FBXL17: variants seen among roughly 807,000 people sequenced by gnomAD.
FBXL17 encodes F-box and leucine rich repeat protein 17, also known as F-box/LRR-repeat protein 17.
A neutral mutation model predicts 66.2 loss-of-function variants in FBXL17; 22 were observed. That is an observed-to-expected ratio of 0.33 (90% CI 0.24 to 0.47). The LOEUF is 0.47. Ranked by LOEUF, FBXL17 falls within the 20% of genes least tolerant of loss-of-function variation. FBXL17 has a pLI of 1.00. For synonymous variants in FBXL17, 474 were observed against 400.5 expected (o/e 1.18, Z -2.19); for missense variants, 878 against 948.2 (o/e 0.93, Z 0.97).
At chr5:108,102,903 A>T (rs1749655559) in intron 6 of FBXL17, among the ~76,000 whole-genome samples, 1 of 152,212 alleles carries the variant, frequency 6.6e-6, no homozygotes, top group Non-Finnish European at 1.5e-5. Context: ...TTTTTCTGCC[A>T]ATAACATTTA....
intron 6 of FBXL17, among the ~76,000 whole-genome samples, chr5:108,086,591 C>G (rs1231644353): frequency 6.6e-6 from 1 of 152,162 alleles, no homozygotes; most frequent in Admixed American, 6.5e-5. Flanking sequence ...TAGAGTTTCA[C>G]TCTGTTGCCC....
intron 6 of FBXL17, among the ~76,000 whole-genome samples, chr5:108,057,465 AG>A (rs1747752772): frequency 6.6e-6 from 1 of 152,160 alleles, no homozygotes; most frequent in Non-Finnish European, 1.5e-5. Context: ...TTCCCATTTA[AG>A]GGTCCCAAAG....
chr5:108,184,553 C>T (rs547041692), intron 6 of FBXL17, among the ~76,000 whole-genome samples: 8 of 151,660 alleles, frequency 5.3e-5, no homozygotes, highest in African/African-American at 1.2e-4. Flanking sequence ...GTGATCCGCC[C>T]GCCTTGGCCT....
intron 6 of FBXL17, among the ~76,000 whole-genome samples, chr5:108,051,456 T>G (rs1246751724): frequency 6.6e-6 from 1 of 152,132 alleles, no homozygotes; most frequent in Non-Finnish European, 1.5e-5. Context: ...ATAAATGTAA[T>G]CCATCATCAC....
chr5:108,279,900 T>C (rs1313446929), intron 4 of FBXL17, among the ~76,000 whole-genome samples: 1 of 151,896 alleles, frequency 6.6e-6, no homozygotes, highest in Non-Finnish European at 1.5e-5. Flanking sequence ...ACAACTCTTT[T>C]GAAATAATCC....
intron 8 of FBXL17, among the ~76,000 whole-genome samples, chr5:107,867,609 A>T (rs1285520144): frequency 6.6e-6 from 1 of 152,236 alleles, no homozygotes; most frequent in Non-Finnish European, 1.5e-5. Flanking sequence ...CTCCCTTTTA[A>T]TGTCATAGTT....
At chr5:108,071,709 G>A (rs1001080637) in intron 6 of FBXL17, among the ~76,000 whole-genome samples, 9 of 151,498 alleles carry the variant, frequency 5.9e-5, no homozygotes, top group Non-Finnish European at 7.4e-5. Context: ...CTACTTTATC[G>A]TGAAGTGAAT....
At chr5:108,379,705 C>T (rs1749705555) in intron 1 of FBXL17, among the ~76,000 whole-genome samples, 1 of 151,942 alleles carries the variant, frequency 6.6e-6, no homozygotes. Flanking sequence ...TATTAAGCTC[C>T]AAATAGGGTA....
chr5:108,012,212 T>C (rs988357859), intron 7 of FBXL17, among the ~76,000 whole-genome samples: 43 of 152,104 alleles, frequency 2.8e-4, no homozygotes, highest in Admixed American at 1.3e-4. Context: ...TTATAATAAT[T>C]TTAAAAGAGG....
intron 2 of FBXL17, among the ~76,000 whole-genome samples, chr5:108,367,022 G>A (rs926569111): frequency 2.0e-5 from 3 of 152,012 alleles, no homozygotes; most frequent in East Asian, 1.9e-4. Flanking sequence ...TTATGTAATA[G>A]AAATTGGCAA....
chr5:108,362,990 G>GA (rs1748437207), intron 3 of FBXL17, among the ~76,000 whole-genome samples: 1 of 151,898 alleles, frequency 6.6e-6, no homozygotes, highest in African/African-American at 2.4e-5. Flanking sequence ...ATGAGTTCAA[G>GA]AAAAAATAAC....
chr5:108,106,478 C>CA (rs1420803831), intron 6 of FBXL17, among the ~76,000 whole-genome samples: 2 of 151,872 alleles, frequency 1.3e-5, no homozygotes, highest in Non-Finnish European at 2.9e-5. Flanking sequence ...TTCACAATAG[C>CA]AAAAAAGTAG....
chr5:108,327,713 C>G (rs928161987), intron 4 of FBXL17, among the ~76,000 whole-genome samples: 21 of 152,230 alleles, frequency 1.4e-4, no homozygotes, highest in Admixed American at 2.6e-4. Flanking sequence ...CATAAAGCAA[C>G]CATTGGTTAC....
chr5:108,079,214 A>C (rs1224574548), intron 6 of FBXL17, among the ~76,000 whole-genome samples: 2 of 150,754 alleles, frequency 1.3e-5, no homozygotes, highest in African/African-American at 2.4e-5. Flanking sequence ...GCCAACCTTC[A>C]GAGGAAAAAG....
At chr5:107,865,233 T>C (rs1748239276) in intron 8 of FBXL17, among the ~76,000 whole-genome samples, 4 of 152,210 alleles carry the variant, frequency 2.6e-5, no homozygotes, top group Admixed American at 2.6e-4. Context: ...TGACAGGCAA[T>C]TTGTTTTGGA....
At chr5:108,337,117 G>A (rs556580244) in intron 4 of FBXL17, among the ~76,000 whole-genome samples, 42 of 151,986 alleles carry the variant, frequency 2.8e-4, no homozygotes, top group African/African-American at 8.0e-4. Flanking sequence ...TTAGCTGGGC[G>A]TGGTGGTGCA....
intron 7 of FBXL17, among the ~76,000 whole-genome samples, chr5:107,894,148 AC>A (rs1749296357): frequency 6.6e-6 from 1 of 152,316 alleles, no homozygotes; most frequent in East Asian, 1.9e-4. Context: ...ACTTTTACTT[AC>A]AGGGAGAACA....
intron 4 of FBXL17, among the ~76,000 whole-genome samples, chr5:108,297,475 C>T (rs552690094): frequency 6.6e-6 from 1 of 151,714 alleles, no homozygotes; most frequent in East Asian, 1.9e-4. Flanking sequence ...ATCCCAAAAG[C>T]ATTACCAGTA....
At position 108,381,515 on chromosome 5, in the gene FBXL17, G is replaced by A; in HGVS notation, c.177C>T (p.Cys59=). The part of the protein sequence containing the change: ...RSRDCFFRGP[C]MLCFIVHSPG... ...GACTGTGCACGATGAAGCAGAGCAT[G>A]CAGGGCCCGCGGAAGAAGCAGTCCC... Residue 59 remains cysteine, a synonymous_variant, in exon 1 of 9, where the codon TGC becomes TGT. Transcript: ENST00000542267. 1 of 1,411,700 alleles carries A rather than the reference G, an allele frequency of 7.1e-7. No homozygotes were observed. Among genetic ancestry groups the A allele is most frequent in the Non-Finnish European group, 9.2e-7 (1 of 1,092,710 alleles). 87.4% of individuals were successfully genotyped at this position (1,411,700 alleles called of 1,614,324 possible). A position where few individuals can be genotyped will look rare whatever the true frequency, so the allele number is the denominator to read the frequency against.
Sources: allele counts gnomAD v4.1 joint callset (sites outside exome capture counted in the v4.1 genomes callset), GRCh38; gene constraint gnomAD v4.1.1; transcripts MANE v1.5; gene names NCBI Gene and HGNC (gene_info 2026-07-23, HGNC 2026-07-21).